The following TMEM243 variants were observed in gnomAD, a reference collection of about 807,000 sequenced individuals.
TMEM243 encodes the protein transmembrane protein 243.
In TMEM243, 20 loss-of-function variants were observed where a neutral mutation model predicts 15.0. The ratio of observed to expected loss-of-function variants is 1.33; its 90% CI spans 0.94 to 1.93. The LOEUF (loss-of-function observed/expected upper bound fraction) is 1.93, where lower values mean the gene tolerates loss of function less well. Ranked by LOEUF, TMEM243 falls within the 30% of genes most tolerant of loss-of-function variation. TMEM243 has a pLI of 0.00. For synonymous variants in TMEM243, 72 were observed against 52.7 expected (o/e 1.37, Z -1.59); for missense variants, 156 against 142.1 (o/e 1.10, Z -0.50).
At chr7:87,209,764 G>C (rs1420859762) in intron 1 of TMEM243, among the ~76,000 whole-genome samples, 9 of 117,652 alleles carry the variant, frequency 7.6e-5, no homozygotes, top group African/African-American at 2.5e-4. Flanking sequence ...GCGAGACAGT[G>C]AGAGCGAGAC....
Position 87,196,221 on chromosome 7 carries a change from G to A in TMEM243, c.*415C>T, listed in dbSNP as rs1038315794. The A allele has an allele frequency of 1.9e-5, 3 of 155,452 alleles. No homozygotes were observed. The highest frequency in any genetic ancestry group is 7.2e-5 in the African/African-American group (3 of 41,424). 9.6% of individuals were successfully genotyped at this position (155,452 alleles called of 1,614,324 possible). ...ATCTTCACAAAGTTGTCTTTTCACT[G>A]TGTTTTGTCAACGTGAAATTAAATT... On this transcript the variant is annotated 3_prime_UTR_variant, in exon 4 of 4. Transcript: ENST00000257637.
At chr7:87,216,115 C>CA (rs776098328) in intron 1 of TMEM243, among the ~76,000 whole-genome samples, 6 of 150,704 alleles carry the variant, frequency 4.0e-5, no homozygotes, top group South Asian at 2.1e-4. Context: ...ACTAAAAATA[C>CA]AAAAAAAAAT....
Position 87,196,754 on chromosome 7 carries a change from T to C in TMEM243, c.239A>G (p.Tyr80Cys). Residue 80 changes from tyrosine to cysteine, a missense_variant, in exon 4 of 4, where the codon TAC becomes TGC. Transcript: ENST00000257637. ...LSSITACILIYWYRQGDLEPK... is the reference protein window; with the variant it reads ...LSSITACILICWYRQGDLEPK... ...TTCTAAGTCTCCTTGTCGATACCAGTAGATCTAAAAGAAGAATTAAAGTTT... is the reference window on the plus strand; with the variant it reads ...TTCTAAGTCTCCTTGTCGATACCAGCAGATCTAAAAGAAGAATTAAAGTTT... The C allele has an allele frequency of 3.9e-6, 6 of 1,546,320 alleles. No homozygotes were observed. Among genetic ancestry groups the C allele is most frequent in the Non-Finnish European group, 4.4e-6 (5 of 1,137,824 alleles).
intron 1 of TMEM243, among the ~76,000 whole-genome samples, chr7:87,211,541 T>C (rs1403939554): frequency 1.3e-5 from 2 of 152,354 alleles, no homozygotes; most frequent in Admixed American, 1.3e-4. Context: ...AGAAATGACT[T>C]TGCTTCTCTT....
chr7:87,219,623 G>C lies in TMEM243; in HGVS notation c.-120C>G. 2.3e-6 allele frequency: 2 copies of C among 888,728 alleles called. No individual in the cohort carries two copies. The highest frequency in any genetic ancestry group is 3.6e-6 in the Non-Finnish European group (2 of 563,260). The allele number at this position is 888,728 out of a possible 1,614,324, so 55.1% of individuals were successfully genotyped here. ...GCTCCCGCATAGCCGAACCCGAGTG[G>C]TCGGGGAAGCGCTGGCGCCAGGGAT... On this transcript the variant is annotated 5_prime_UTR_variant, in exon 1 of 4. Transcript: ENST00000257637.
intron 1 of TMEM243, among the ~76,000 whole-genome samples, chr7:87,199,995 T>C (rs776566087): frequency 3.9e-4 from 60 of 152,216 alleles, no homozygotes; most frequent in Middle Eastern, 3.4e-3. Flanking sequence ...TGGCAGGATA[T>C]GGAACATGCC....
At chr7:87,208,846 C>A (rs1373508055) in intron 1 of TMEM243, among the ~76,000 whole-genome samples, 1 of 152,244 alleles carries the variant, frequency 6.6e-6, no homozygotes, top group Admixed American at 6.5e-5. Context: ...GCTCCCACTA[C>A]CCAGGGTGTA....
At chr7:87,219,837 C>T (rs1447719645), upstream of TMEM243, 2 of 352,640 alleles carry the variant, frequency 5.7e-6, no homozygotes, top group Admixed American at 4.7e-5. Context: ...GCTCTCCGCC[C>T]CTCTGGGCCG....
intron 1 of TMEM243, among the ~76,000 whole-genome samples, chr7:87,218,074 G>C (rs1260741592): frequency 1.3e-5 from 2 of 152,250 alleles, no homozygotes; most frequent in Admixed American, 1.3e-4. Flanking sequence ...TCATACAAAA[G>C]CAACCAGTTC....
In TMEM243 at chr7:87,211,604, A is replaced by G. The variant is rs554424011; in HGVS notation, c.78+7822T>C. Among the ~76,000 whole-genome samples the G allele has an allele frequency of 1.4e-3, 215 of 152,370 alleles. 2 individuals are homozygous for G. The highest frequency in any genetic ancestry group is 3.5e-3 in the Admixed American group (54 of 15,308). On this transcript the variant is annotated intron_variant, in intron 1 of 3. Transcript: ENST00000257637. Reference sequence around the variant, plus strand: ...AAGCTGTGTAAGTGGCCCAGTCAGAAGCCTAAGGGGCCAGGAAAAAGCATA... The same window carrying G: ...AAGCTGTGTAAGTGGCCCAGTCAGAGGCCTAAGGGGCCAGGAAAAAGCATA...
chr7:87,209,543 A>ACAGT (rs1256095982), intron 1 of TMEM243, among the ~76,000 whole-genome samples: 6 of 26,970 alleles, frequency 2.2e-4, no homozygotes, highest in African/African-American at 9.2e-4. Context: ...AGAGAAAGTG[A>ACAGT]GAGACAATGA....
chr7:87,209,941 AGGGGGACAGAGAGACAGAGGAGGGGGAG>A (rs1802618692), intron 1 of TMEM243, among the ~76,000 whole-genome samples: 1 of 123,346 alleles, frequency 8.1e-6, no homozygotes, highest in African/African-American at 3.1e-5. Context: ...GAGAAACAGG[AGGGGGACAGAGAGACAGAGGAGGGGGAG>A]GGGGGACAGA....
intron 1 of TMEM243, among the ~76,000 whole-genome samples, chr7:87,205,682 G>A (rs1379553592): frequency 6.6e-6 from 1 of 152,214 alleles, no homozygotes; most frequent in African/African-American, 2.4e-5. Flanking sequence ...CCACCTCAGC[G>A]TGAACCTTAT....
intron 1 of TMEM243, among the ~76,000 whole-genome samples, chr7:87,206,297 C>T (rs982498122): frequency 2.0e-5 from 3 of 152,206 alleles, no homozygotes; most frequent in Non-Finnish European, 2.9e-5. Flanking sequence ...CTATCAACTT[C>T]ACTGTAAATC....
intron 1 of TMEM243, among the ~76,000 whole-genome samples, chr7:87,209,415 CGAGAGTGAAA>C (rs1050115362): frequency 1.5e-4 from 23 of 149,144 alleles, no homozygotes; most frequent in African/African-American, 4.7e-4. Flanking sequence ...AATGAGAGAG[CGAGAGTGAAA>C]GAGAGTGAGA....
chr7:87,197,726 A>T, intron 3 of TMEM243: 10 of 578,002 alleles, frequency 1.7e-5, no homozygotes, highest in African/African-American at 2.3e-5. Flanking sequence ...TAAGCTATCA[A>T]GGGAGTGGAA....
intron 1 of TMEM243, among the ~76,000 whole-genome samples, chr7:87,211,282 C>T (rs1802726841): frequency 6.6e-6 from 1 of 152,172 alleles, no homozygotes; most frequent in African/African-American, 2.4e-5. Context: ...TATACTCATC[C>T]CTTACCCTCC....
At chr7:87,203,837 C>A (rs1407451461) in intron 1 of TMEM243, among the ~76,000 whole-genome samples, 1 of 152,092 alleles carries the variant, frequency 6.6e-6, no homozygotes, top group African/African-American at 2.4e-5. Context: ...CATACACAAT[C>A]ATTTCTTATA....
intron 1 of TMEM243, among the ~76,000 whole-genome samples, chr7:87,216,368 C>G (rs905273010): frequency 2.6e-5 from 4 of 151,952 alleles, no homozygotes; most frequent in African/African-American, 9.7e-5. Context: ...ATTGCTTGAG[C>G]CCAGGAGGTC....
Sources: allele counts gnomAD v4.1 joint callset (sites outside exome capture counted in the v4.1 genomes callset), GRCh38; gene constraint gnomAD v4.1.1; transcripts MANE v1.5; gene names NCBI Gene and HGNC (gene_info 2026-07-23, HGNC 2026-07-21).